The following CSMD1 variants were observed in gnomAD, a reference collection of about 807,000 sequenced individuals.
CSMD1 encodes CUB and Sushi multiple domains 1, also known as CUB and sushi domain-containing protein 1.
CSMD1 carries 213 observed loss-of-function variants against 417.5 expected under a neutral mutation model. The ratio of observed to expected loss-of-function variants is 0.51; its 90% confidence interval spans 0.46 to 0.57. CSMD1 has a LOEUF of 0.57. Among genes scored for constraint, CSMD1 ranks in the 20% least tolerant of loss-of-function variants. The probability of loss-of-function intolerance (pLI) is 0.00; values close to 1 mark genes in which losing one functional copy is unlikely to be tolerated. For missense variants in CSMD1, 6,923 were observed against 4,529.7 expected (o/e 1.53, Z -15.17); for synonymous variants, 2,862 against 1,736.8 (o/e 1.65, Z -16.11).
chr8:4,276,346 C>G (rs1019955811), intron 3 of CSMD1, among the ~76,000 whole-genome samples: 1 of 152,092 alleles, frequency 6.6e-6, no homozygotes, highest in Non-Finnish European at 1.5e-5. Context: ...AAACTAGAAA[C>G]CGTCATTGTC....
chr8:4,092,563 A>G (rs888077263), intron 3 of CSMD1, among the ~76,000 whole-genome samples: 3 of 152,230 alleles, frequency 2.0e-5, no homozygotes, highest in African/African-American at 4.8e-5. Context: ...AAGAAATGTG[A>G]TTCTCTTTCT....
intron 1 of CSMD1, among the ~76,000 whole-genome samples, chr8:4,815,178 T>A (rs759179478): frequency 6.6e-6 from 1 of 152,144 alleles, no homozygotes; most frequent in Non-Finnish European, 1.5e-5. Context: ...TGTCTCCAGA[T>A]CAATAGATTT....
intron 5 of CSMD1, among the ~76,000 whole-genome samples, chr8:3,834,815 T>G (rs886991205): frequency 6.6e-6 from 1 of 151,704 alleles, no homozygotes; most frequent in East Asian, 1.9e-4. Context: ...CACAACCTAC[T>G]CATCTGACAA....
At chr8:3,684,265 G>T (rs1420734280) in intron 7 of CSMD1, among the ~76,000 whole-genome samples, 4 of 134,818 alleles carry the variant, frequency 3.0e-5, no homozygotes, top group Non-Finnish European at 4.7e-5. Flanking sequence ...AAAATATATA[G>T]CTATATGTTA....
chr8:3,786,590 C>A (rs184134751), intron 5 of CSMD1, among the ~76,000 whole-genome samples: 2 of 152,102 alleles, frequency 1.3e-5, no homozygotes, highest in African/African-American at 4.8e-5. Context: ...ACAGGAAAAT[C>A]GCTGTTGGGC....
intron 1 of CSMD1, among the ~76,000 whole-genome samples, chr8:4,916,526 A>T (rs1376897044): frequency 6.6e-6 from 1 of 152,222 alleles, no homozygotes; most frequent in Non-Finnish European, 1.5e-5. Flanking sequence ...AGCTAAATGC[A>T]GTTGTTTAGA....
chr8:4,923,161 A>G (rs1034944899), intron 1 of CSMD1, among the ~76,000 whole-genome samples: 2 of 152,160 alleles, frequency 1.3e-5, no homozygotes, highest in Admixed American at 1.3e-4. Context: ...AATACCATCA[A>G]TTTTTCAGTT....
intron 2 of CSMD1, among the ~76,000 whole-genome samples, chr8:4,617,566 T>C (rs1417292981): frequency 6.6e-6 from 1 of 152,170 alleles, no homozygotes; most frequent in Non-Finnish European, 1.5e-5. Flanking sequence ...GGTGGCGCTC[T>C]CCTTATCGAT....
At chr8:3,670,259 G>C (rs931091196) in intron 7 of CSMD1, among the ~76,000 whole-genome samples, 2 of 151,914 alleles carry the variant, frequency 1.3e-5, no homozygotes, top group African/African-American at 4.8e-5. Flanking sequence ...GAAAAGGTCA[G>C]ACTGGCCTAG....
At chr8:3,989,435 G>A (rs956927511) in intron 5 of CSMD1, among the ~76,000 whole-genome samples, 5 of 152,146 alleles carry the variant, frequency 3.3e-5, no homozygotes, top group African/African-American at 7.2e-5. Context: ...GGTAAGAGCG[G>A]CTTCTTAGCA....
At chr8:4,567,002 G>C (rs528622743) in intron 2 of CSMD1, among the ~76,000 whole-genome samples, 3 of 152,190 alleles carry the variant, frequency 2.0e-5, no homozygotes, top group African/African-American at 7.2e-5. Context: ...ATGAAATCCT[G>C]TATGTATTTT....
At chr8:4,197,648 G>A (rs760694299) in intron 3 of CSMD1, among the ~76,000 whole-genome samples, 1 of 152,178 alleles carries the variant, frequency 6.6e-6, no homozygotes, top group Non-Finnish European at 1.5e-5. Context: ...GGAGGCCGAG[G>A]CAGGTGGATC....
chr8:4,372,048 G>A (rs548418948), intron 3 of CSMD1, among the ~76,000 whole-genome samples: 1 of 152,042 alleles, frequency 6.6e-6, no homozygotes, highest in Non-Finnish European at 1.5e-5. Context: ...GGCAAGGTCT[G>A]GGGTGAACAT....
intron 3 of CSMD1, among the ~76,000 whole-genome samples, chr8:4,239,470 T>C (rs1363896653): frequency 6.6e-6 from 1 of 152,156 alleles, no homozygotes; most frequent in Admixed American, 6.6e-5. Flanking sequence ...CAAGGAGAGA[T>C]GTAGCACCCT....
chr8:4,600,062 C>T (rs1322359964), intron 2 of CSMD1, among the ~76,000 whole-genome samples: 1 of 152,178 alleles, frequency 6.6e-6, no homozygotes, highest in Non-Finnish European at 1.5e-5. Context: ...ATGGCTTGTC[C>T]TTCCCTTTTA....
At chr8:4,876,538 A>T (rs988663016) in intron 1 of CSMD1, among the ~76,000 whole-genome samples, 2 of 152,092 alleles carry the variant, frequency 1.3e-5, no homozygotes, top group Admixed American at 6.5e-5. Context: ...AAATCAGCAC[A>T]TTTCAATGCT....
rs144815407 is a variant in CSMD1 at position 3,255,440 on chromosome 8, T to G, written c.4154-25209A>C. Among the ~76,000 whole-genome samples, 139 of 152,326 alleles carry G rather than the reference T, an allele frequency of 9.1e-4. 1 individual carries two copies. The East Asian group carries it at 0.026, about 29-fold the overall frequency. On this transcript the variant is annotated intron_variant, in intron 26 of 69. Coordinates refer to ENST00000635120, the MANE Select transcript of CSMD1 (RefSeq NM_033225.6). ...AGTCTGCACAGGTTTCTGCTGCCTT[T>G]TGTTGTCTGTGCCCTGCCCCCAGAG...
intron 7 of CSMD1, among the ~76,000 whole-genome samples, chr8:3,658,059 C>T (rs1798219661): frequency 6.6e-6 from 1 of 152,164 alleles, no homozygotes. Flanking sequence ...ATAACAGCGT[C>T]AGCCCAGAGG....
intron 5 of CSMD1, among the ~76,000 whole-genome samples, chr8:3,870,438 T>C (rs1225007659): frequency 2.0e-5 from 3 of 152,190 alleles, no homozygotes; most frequent in African/African-American, 4.8e-5. Context: ...CATATATCTT[T>C]ACATGTTGGT....
Sources: allele counts gnomAD v4.1 joint callset (sites outside exome capture counted in the v4.1 genomes callset), GRCh38; gene constraint gnomAD v4.1.1; transcripts MANE v1.5; gene names NCBI Gene and HGNC (gene_info 2026-07-23, HGNC 2026-07-21).